Variants in PRKCZ observed in about 807,000 individuals in gnomAD.
PRKCZ encodes the protein protein kinase C zeta, also known as protein kinase C zeta type.
In PRKCZ, 33 loss-of-function variants were observed where a neutral mutation model predicts 79.5. The ratio of observed to expected loss-of-function variants is 0.41; its 90% CI spans 0.31 to 0.55. The LOEUF (loss-of-function observed/expected upper bound fraction) is 0.55. PRKCZ is among the 20% of genes least tolerant of loss of function. The pLI is 0.19. For missense variants in PRKCZ, 578 were observed against 813.5 expected, an observed-to-expected ratio of 0.71 and a Z score of 3.52; for synonymous variants, 342 against 320.9, an observed-to-expected ratio of 1.07 and a Z score of -0.70.
At chr1:2,065,261 C>T (rs954503377) in intron 4 of PRKCZ, among the ~76,000 whole-genome samples, 4 of 152,220 alleles carry the variant, frequency 2.6e-5, no homozygotes, top group East Asian at 1.9e-4. Flanking sequence ...GGCTTTCTTA[C>T]ATGTAAGATC....
chr1:2,181,619 G>A (rs1466362698), intron 16 of PRKCZ, among the ~76,000 whole-genome samples: 1 of 152,162 alleles, frequency 6.6e-6, no homozygotes, highest in African/African-American at 2.4e-5. Context: ...AGGTAACGCT[G>A]GCCCCTGGGG....
At position 2,082,241 on chromosome 1, in the gene PRKCZ, G is replaced by A; in HGVS notation, c.334+22650G>A. ...GTGTGCGCCTTTTCCCTGCTCCAGG[G>A]CTGTGTATTTGGCAAGAGGGAGGCT... On this transcript the variant is annotated intron_variant, in intron 4 of 17. Coordinates refer to ENST00000378567, the MANE Select transcript of PRKCZ (RefSeq NM_002744.6). This position sits in a 1 kb window ranked among gnomAD's most constrained non-coding sequence, Gnocchi z 4.4. 1 of 394,512 alleles carries A rather than the reference G, an allele frequency of 2.5e-6. No individual in the cohort carries two copies. Among genetic ancestry groups the A allele is most frequent in the Non-Finnish European group, 5.0e-6 (1 of 199,082 alleles). 24.4% of individuals were successfully genotyped at this position (394,512 alleles called of 1,614,324 possible).
At chr1:2,171,828 T>C (rs1307904257) in intron 11 of PRKCZ, among the ~76,000 whole-genome samples, 2 of 152,210 alleles carry the variant, frequency 1.3e-5, no homozygotes, top group East Asian at 1.9e-4. Flanking sequence ...TCGTTCTCTG[T>C]GTCTTTGACA....
At position 2,128,842 on chromosome 1, in the gene PRKCZ, C is replaced by A. The variant is rs1213587728; in HGVS notation, c.335-6420C>A. Among the ~76,000 whole-genome samples, 1 of 152,176 alleles carries A rather than the reference C, an allele frequency of 6.6e-6. No homozygotes were observed. Among genetic ancestry groups the A allele is most frequent in the Non-Finnish European group, 1.5e-5 (1 of 68,026 alleles). ...CTGGGCTTGACTTTGAGACCCTGTT[C>A]CACAGAGGTAGCCGGGGGACTCGCG... On this transcript the variant is annotated intron_variant, in intron 4 of 17. Transcript: ENST00000378567. This position sits in a 1 kb window ranked among gnomAD's most constrained non-coding sequence, Gnocchi z 6.5.
chr1:2,159,011 C>G (rs961401152), intron 10 of PRKCZ, among the ~76,000 whole-genome samples: 4 of 152,056 alleles, frequency 2.6e-5, no homozygotes, highest in African/African-American at 9.7e-5. Context: ...CTGCAACTTC[C>G]ACCTCCCTGG....
chr1:2,118,309 T>C (rs1671153367), intron 4 of PRKCZ, among the ~76,000 whole-genome samples: 1 of 150,060 alleles, frequency 6.7e-6, no homozygotes, highest in African/African-American at 2.5e-5. Context: ...ATCTTCCTTT[T>C]GATTGATGCT....
In PRKCZ at chr1:2,115,673, C is replaced by T. The variant is rs574630524; in HGVS notation, c.335-19589C>T. Among the ~76,000 whole-genome samples, 6 of 152,336 alleles carry T rather than the reference C, an allele frequency of 3.9e-5. No homozygotes were observed. In the South Asian group the frequency reaches 1.2e-3, roughly 32 times the overall value. On this transcript the variant is annotated intron_variant, in intron 4 of 17. Transcript: ENST00000378567. ...GAATCGGGGGTGTCCGTGACCCCTTCCTGAGGCTCGGGTGGGCTAGAATAG... is the reference window on the plus strand; with the variant it reads ...GAATCGGGGGTGTCCGTGACCCCTTTCTGAGGCTCGGGTGGGCTAGAATAG...
chr1:2,107,350 G>T (rs868472226), intron 4 of PRKCZ, among the ~76,000 whole-genome samples: 2 of 152,274 alleles, frequency 1.3e-5, no homozygotes, highest in South Asian at 4.1e-4. Context: ...CTTTTTTCCC[G>T]CACGTCACGT....
intron 5 of PRKCZ, among the ~76,000 whole-genome samples, chr1:2,140,455 C>A (rs2103075208): frequency 6.6e-6 from 1 of 152,132 alleles, no homozygotes; most frequent in East Asian, 1.9e-4. Context: ...GAGTTCGAGA[C>A]CAGCCTGGTC....
chr1:2,065,414 C>T (rs989693369), intron 4 of PRKCZ, among the ~76,000 whole-genome samples: 1 of 152,162 alleles, frequency 6.6e-6, no homozygotes, highest in Non-Finnish European at 1.5e-5. Flanking sequence ...CGCGGTGGCT[C>T]ACGCCTGTAA....
chr1:2,100,058 G>C (rs1489758568), intron 4 of PRKCZ, among the ~76,000 whole-genome samples: 1 of 152,166 alleles, frequency 6.6e-6, no homozygotes, highest in Non-Finnish European at 1.5e-5. Flanking sequence ...GCCCCTGTCA[G>C]ATGCCAGCCA....
chr1:2,123,440 G>A (rs1382114192), intron 4 of PRKCZ, among the ~76,000 whole-genome samples: 1 of 13,206 alleles, frequency 7.6e-5, no homozygotes, highest in Admixed American at 1.1e-3. Flanking sequence ...GGTTAGGGTC[G>A]TGGCGGTGGT....
At chr1:2,099,841 A>G (rs1667157852) in intron 4 of PRKCZ, among the ~76,000 whole-genome samples, 1 of 152,200 alleles carries the variant, frequency 6.6e-6, no homozygotes, top group African/African-American at 2.4e-5. Context: ...GCTAAAGCAG[A>G]TCACTCGCAA....
intron 11 of PRKCZ, among the ~76,000 whole-genome samples, chr1:2,170,092 C>T (rs1439867459): frequency 6.6e-6 from 1 of 152,156 alleles, no homozygotes; most frequent in South Asian, 2.1e-4. Flanking sequence ...TGGCTCTGCC[C>T]TGGTTCTGCT....
At chr1:2,099,833 TA>T (rs774922523) in intron 4 of PRKCZ, among the ~76,000 whole-genome samples, 1 of 152,228 alleles carries the variant, frequency 6.6e-6, no homozygotes, top group Non-Finnish European at 1.5e-5. Flanking sequence ...CGTGTCGTGC[TA>T]AAGCAGATCA....
intron 4 of PRKCZ, among the ~76,000 whole-genome samples, chr1:2,065,967 A>G (rs1274943955): frequency 6.6e-6 from 1 of 151,732 alleles, no homozygotes; most frequent in African/African-American, 2.4e-5. Flanking sequence ...TTTAATTTTC[A>G]TTCATTGAAC....
Position 2,173,605 on chromosome 1 carries a change from A to T in PRKCZ, c.1286-292A>T, listed in dbSNP as rs1684895079. On this transcript the variant is annotated intron_variant, in intron 13 of 17. Transcript: ENST00000378567. The surrounding 1 kb of genome is among the most constrained non-coding windows in gnomAD (Gnocchi z 5.7). ...GAAACGAGAGAGGAGGGTCGTCCGC[A>T]GGTTCCACCAGTGCCTCGTGCCGGT... 6.6e-6 allele frequency among the ~76,000 whole-genome samples: 1 copy of T among 152,242 alleles called. No homozygotes were observed. Among genetic ancestry groups the T allele is most frequent in the Non-Finnish European group, 1.5e-5 (1 of 68,040 alleles).
Position 2,178,477 on chromosome 1 carries a change from G to T in PRKCZ, c.1575+3164G>T, listed in dbSNP as rs1440449596. The stretch of plus-strand genomic sequence containing the variant: ...CTCCACTTTCTGGCCATTGTGAATT[G>T]TGCTGCCGTGAACACCTGTGAACCC... On this transcript the variant is annotated intron_variant, in intron 16 of 17. Transcript: ENST00000378567. The surrounding 1 kb of genome is among the most constrained non-coding windows in gnomAD (Gnocchi z 4.3). Among the ~76,000 whole-genome samples, 1 of 152,278 alleles carries T rather than the reference G, an allele frequency of 6.6e-6. No individual in the cohort carries two copies. Among genetic ancestry groups the T allele is most frequent in the South Asian group, 2.1e-4 (1 of 4,822 alleles).
chr1:2,110,481 C>T (rs930348320), intron 4 of PRKCZ, among the ~76,000 whole-genome samples: 10 of 152,296 alleles, frequency 6.6e-5, no homozygotes, highest in African/African-American at 1.9e-4. Context: ...AGAGACTCCT[C>T]TGGTACCAGG....
Sources: gnomAD v4.1 joint callset for allele counts (sites outside exome capture counted in the v4.1 genomes callset) on GRCh38, gnomAD v4.1.1 for gene constraint, Gnocchi (gnomAD v3.1) non-coding constraint, MANE v1.5 for transcripts, NCBI Gene and HGNC (gene_info 2026-07-23, HGNC 2026-07-21) for gene names.